Variants in WDR17 observed in about 807,000 individuals in gnomAD.
The protein encoded by WDR17 is WD repeat-containing protein 17.
WDR17 carries 143 observed loss-of-function variants against 161.7 expected under a neutral mutation model. The observed-to-expected ratio is 0.88, with a 90% CI of 0.77 to 1.02. The LOEUF (loss-of-function observed/expected upper bound fraction) is 1.02. Ranked by LOEUF, WDR17 falls within the 50% of genes least tolerant of loss-of-function variation. The pLI is 0.00. For missense variants in WDR17, 1,469 were observed against 1,520.9 expected (o/e 0.97, Z 0.57); for synonymous variants, 517 against 515.6 (o/e 1.00, Z -0.04).
chr4:176,174,075 A>C lies in WDR17; in HGVS notation c.3348-542A>C, dbSNP rs537010267. Among the ~76,000 whole-genome samples the C allele has an allele frequency of 3.9e-5, 6 of 152,184 alleles. No homozygotes were observed. The East Asian group carries it at 9.6e-4, about 24-fold the overall frequency. ...AAGAAGTAAAATTGCTGGAAAGTAC[A>C]AAATAGACATCATCCCTGGATTCAG... On this transcript the variant is annotated intron_variant, in intron 25 of 28. Coordinates refer to ENST00000508596, the MANE Select transcript of WDR17 (RefSeq NM_181265.4).
intron 1 of WDR17, among the ~76,000 whole-genome samples, chr4:176,110,172 C>T (rs953587016): frequency 1.6e-4 from 24 of 152,110 alleles, no homozygotes; most frequent in African/African-American, 5.8e-4. Context: ...GACAGAGTCT[C>T]GCTCTGTTGC....
At position 176,179,606 on chromosome 4, in the gene WDR17, T is replaced by C; in HGVS notation, c.*27T>C. ...AGAAGATTTTTGTCCATGCTTGATT[T>C]TTTTTTTTAAAGAAAAACTTTCATG... On this transcript the variant is annotated 3_prime_UTR_variant, in exon 29 of 29. Coordinates refer to ENST00000508596, the MANE Select transcript of WDR17 (RefSeq NM_181265.4). 2 of 1,512,222 alleles carry C rather than the reference T, an allele frequency of 1.3e-6. No individual in the cohort carries two copies. The highest frequency in any genetic ancestry group is 1.8e-6 in the Non-Finnish European group (2 of 1,131,514). 93.7% of individuals were successfully genotyped at this position (1,512,222 alleles called of 1,614,324 possible). A position where few individuals can be genotyped will look rare whatever the true frequency, so the allele number is the denominator to read the frequency against.
chr4:176,128,963 G>A (rs1742933958), intron 6 of WDR17, 103 bp downstream of exon 6: 1 of 1,069,790 alleles, frequency 9.3e-7, no homozygotes, highest in South Asian at 2.2e-5. Flanking sequence ...CCACTGAAAA[G>A]CAATTTTTAA....
At chr4:176,159,361 A>G (rs1013658175) in intron 18 of WDR17, among the ~76,000 whole-genome samples, 27 of 151,938 alleles carry the variant, frequency 1.8e-4, no homozygotes, top group Non-Finnish European at 3.8e-4. Context: ...AAATGGGTGC[A>G]GAGAGACAGA....
chr4:176,072,416 C>T (rs1733359858), intron 1 of WDR17, among the ~76,000 whole-genome samples: 1 of 152,186 alleles, frequency 6.6e-6, no homozygotes, highest in Admixed American at 6.5e-5. Context: ...ATGTGATTCA[C>T]AAGTCTGCAT....
At chr4:176,175,037 A>AT (rs781334257) in intron 26 of WDR17, among the ~76,000 whole-genome samples, 1 of 152,090 alleles carries the variant, frequency 6.6e-6, no homozygotes, top group Non-Finnish European at 1.5e-5. Flanking sequence ...CCACTATGAC[A>AT]TTTTTTGGAT....
chr4:176,096,546 T>C (rs776838701), intron 1 of WDR17: 13 of 1,600,690 alleles, frequency 8.1e-6, no homozygotes, highest in Non-Finnish European at 1.0e-5. Flanking sequence ...ACATTTCAAA[T>C]TGGTTTGAGC....
chr4:176,095,165 G>A (rs1434568416), intron 1 of WDR17, among the ~76,000 whole-genome samples: 2 of 152,036 alleles, frequency 1.3e-5, no homozygotes, highest in Non-Finnish European at 2.9e-5. Context: ...CTCAAAATAC[G>A]ATAAGCCAGA....
rs1751995487 is a variant in WDR17 at position 176,180,025 on chromosome 4, A to T, written c.*446A>T. The T allele has an allele frequency of 1.3e-5, 2 of 152,184 alleles. No homozygotes were observed. The highest frequency in any genetic ancestry group is 1.3e-4 in the Admixed American group (2 of 15,278). 9.4% of individuals were successfully genotyped at this position (152,184 alleles called of 1,614,324 possible). A position where few individuals can be genotyped will look rare whatever the true frequency, so the allele number is the denominator to read the frequency against. ...GTTGAAATGTAAGGTGTGCACAGTG[A>T]TCTTCAACTTAACAAACACTTACGT... is the stretch of plus-strand genomic sequence containing the variant. On this transcript the variant is annotated 3_prime_UTR_variant, in exon 29 of 29. Coordinates refer to ENST00000508596, the MANE Select transcript of WDR17 (RefSeq NM_181265.4).
At chr4:176,117,276 A>C (rs1740796643) in intron 3 of WDR17, among the ~76,000 whole-genome samples, 1 of 152,026 alleles carries the variant, frequency 6.6e-6, no homozygotes, top group African/African-American at 2.4e-5. Context: ...TCCAGCAATC[A>C]CAAATTCTAT....
At chr4:176,132,140 TTGAATCGCTA>T (rs2126760378) in intron 7 of WDR17, among the ~76,000 whole-genome samples, 1 of 152,114 alleles carries the variant, frequency 6.6e-6, no homozygotes, top group East Asian at 1.9e-4. Flanking sequence ...GTTTCTATTG[TTGAATCGCTA>T]TGATACTTAA....
chr4:176,073,531 T>A (rs1733525189), intron 1 of WDR17, among the ~76,000 whole-genome samples: 2 of 151,796 alleles, frequency 1.3e-5, no homozygotes, highest in South Asian at 4.2e-4. Flanking sequence ...TGGTTCCAAG[T>A]CTTTGCTATT....
chr4:176,070,763 C>T (rs1327524767), intron 1 of WDR17, among the ~76,000 whole-genome samples: 1 of 152,100 alleles, frequency 6.6e-6, no homozygotes, highest in East Asian at 1.9e-4. Flanking sequence ...TCAAGCGATC[C>T]ACCCAACTTG....
intron 1 of WDR17, among the ~76,000 whole-genome samples, chr4:176,074,640 A>G (rs1733724584): frequency 6.6e-6 from 1 of 151,566 alleles, no homozygotes; most frequent in Non-Finnish European, 1.5e-5. Flanking sequence ...ATTTTTGTAG[A>G]TATAGGGTCT....
At chr4:176,127,712 CTACAATTAT>C (rs1742684166) in intron 5 of WDR17, among the ~76,000 whole-genome samples, 1 of 152,152 alleles carries the variant, frequency 6.6e-6, no homozygotes, top group Admixed American at 6.5e-5. Flanking sequence ...TCACAAAGCT[CTACAATTAT>C]TACCACTATC....
At chr4:176,130,555 T>C (rs528891790) in intron 6 of WDR17, among the ~76,000 whole-genome samples, 231 of 151,870 alleles carry the variant, frequency 1.5e-3, no homozygotes, top group Middle Eastern at 3.4e-3. Flanking sequence ...CCATCCTGGC[T>C]AACACAGTGA....
At chr4:176,071,974 T>C (rs1163423982) in intron 1 of WDR17, among the ~76,000 whole-genome samples, 2 of 152,206 alleles carry the variant, frequency 1.3e-5, no homozygotes, top group Non-Finnish European at 2.9e-5. Context: ...CAAGATGGAA[T>C]TCATACTGGT....
Position 176,162,165 on chromosome 4 carries a change from T to C in WDR17, c.2841T>C (p.Asp947=). ...VLAACCHLAI[D]NIELAMAYLI... ...CCGCATGTTGCCATCTTGCCATAGA[T>C]AATATTGAGGTACGACATTTAAAAC... The change falls in exon 21 of 29, where the codon GAT becomes GAC. Residue 947 remains aspartate (D), a synonymous_variant. Coordinates refer to ENST00000508596, the MANE Select transcript of WDR17 (RefSeq NM_181265.4). The C allele has an allele frequency of 6.2e-7, 1 of 1,612,296 alleles. No individual in the cohort carries two copies. Among genetic ancestry groups the C allele is most frequent in the Non-Finnish European group, 8.5e-7 (1 of 1,179,046 alleles).
chr4:176,086,738 A>G (rs1362549690), intron 1 of WDR17, among the ~76,000 whole-genome samples: 1 of 151,648 alleles, frequency 6.6e-6, no homozygotes, highest in Non-Finnish European at 1.5e-5. Context: ...TGCTAATTTT[A>G]TTTTGATTTG....
Sources: allele counts gnomAD v4.1 joint callset (sites outside exome capture counted in the v4.1 genomes callset), GRCh38; gene constraint gnomAD v4.1.1; transcripts MANE v1.5; gene names NCBI Gene and HGNC (gene_info 2026-07-23, HGNC 2026-07-21).